TAB2: variants seen among roughly 807,000 people sequenced by gnomAD.
TAB2 encodes the protein TGF-beta-activated kinase 1 and MAP3K7-binding protein 2.
A neutral mutation model predicts 65.0 loss-of-function variants in TAB2; 3 were observed. The ratio of observed to expected loss-of-function variants is 0.05; its 90% confidence interval spans 0.02 to 0.12. The LOEUF is 0.12. Ranked by LOEUF, TAB2 falls within the 10% of genes least tolerant of loss-of-function variation. The pLI, the probability that TAB2 is intolerant of heterozygous loss-of-function variation, is 1.00. For missense variants in TAB2, 623 were observed against 840.3 expected (o/e 0.74, Z 3.20); for synonymous variants, 298 against 285.1 (o/e 1.05, Z -0.46).
In TAB2 at chr6:149,378,123, G is replaced by T. The variant is rs1256164024; in HGVS notation, c.208G>T (p.Gly70Cys). ...LNFSDDSGIS[G>C]LRNHMTSLNL... ...TTTTTCAGATGATTCTGGAATTTCT[G>T]GTCTACGCAATCACATGACTTCTCT... Residue 70 changes from glycine to cysteine, a missense_variant, in exon 3 of 7, where the codon GGT (glycine) becomes TGT (cysteine). Physicochemically the swap from Gly to Cys is radical, Grantham distance 159. Transcript: ENST00000637181. 6.2e-7 allele frequency: 1 copy of T among 1,613,982 alleles called. No individual in the cohort carries two copies. Among genetic ancestry groups the T allele is most frequent in the Non-Finnish European group, 8.5e-7 (1 of 1,180,016 alleles).
intron 1 of TAB2, among the ~76,000 whole-genome samples, chr6:149,319,897 A>G (rs1165684230): frequency 1.3e-5 from 2 of 152,188 alleles, no homozygotes; most frequent in African/African-American, 4.8e-5. Context: ...TGACTCATTA[A>G]GAAGTGGATA....
upstream of TAB2, among the ~76,000 whole-genome samples, chr6:149,317,235 G>A (rs904539219): frequency 1.3e-4 from 20 of 152,098 alleles, no homozygotes; most frequent in Non-Finnish European, 2.5e-4. This position sits in a 1 kb window ranked among gnomAD's most constrained non-coding sequence, Gnocchi z 4.7. Context: ...CCCAAGGATG[G>A]GGGGCCCAGG....
intron 1 of TAB2, among the ~76,000 whole-genome samples, chr6:149,367,399 C>G (rs928057473): frequency 2.0e-5 from 3 of 152,002 alleles, no homozygotes; most frequent in African/African-American, 7.3e-5. Context: ...TCCGATAGCC[C>G]TAAGGGAAGA....
intron 1 of TAB2, among the ~76,000 whole-genome samples, chr6:149,237,611 A>T (rs1194084633): frequency 6.6e-6 from 1 of 152,168 alleles, no homozygotes; most frequent in Non-Finnish European, 1.5e-5. Flanking sequence ...CCCATGCTTT[A>T]ACAACAAACC....
At chr6:149,355,977 A>G (rs904531672) in intron 1 of TAB2, among the ~76,000 whole-genome samples, 5 of 152,196 alleles carry the variant, frequency 3.3e-5, no homozygotes, top group African/African-American at 9.7e-5. Flanking sequence ...TTATTTTTCC[A>G]TGTAACACTT....
intron 1 of TAB2, among the ~76,000 whole-genome samples, chr6:149,357,139 C>T (rs564287195): frequency 3.3e-5 from 5 of 152,018 alleles, no homozygotes; most frequent in South Asian, 2.1e-4. Context: ...ACATTTTAGC[C>T]GGGTGCAGTG....
chr6:149,288,940 C>G (rs1477873236), intron 1 of TAB2, among the ~76,000 whole-genome samples: 3 of 149,960 alleles, frequency 2.0e-5, no homozygotes, highest in Non-Finnish European at 4.4e-5. Context: ...TCACTGCAAC[C>G]TCCATCGCCT....
chr6:149,360,684 C>T (rs927884800), intron 1 of TAB2, among the ~76,000 whole-genome samples: 8 of 152,150 alleles, frequency 5.3e-5, no homozygotes, highest in African/African-American at 1.7e-4. Context: ...TCATTCCTTC[C>T]TAATAGTCCT....
At chr6:149,290,749 G>A (rs943254752) in intron 1 of TAB2, among the ~76,000 whole-genome samples, 10 of 152,234 alleles carry the variant, frequency 6.6e-5, no homozygotes, top group Admixed American at 6.5e-4. Context: ...GGAGGCTCAG[G>A]TGGGAGGATG....
chr6:149,400,508 A>G, intron 6 of TAB2: 1 of 1,614,258 alleles, frequency 6.2e-7, no homozygotes, highest in Non-Finnish European at 8.5e-7. Context: ...GGCAGACACC[A>G]CTTAGTAAAC....
At chr6:149,222,492 C>A (rs1777169513) in intron 1 of TAB2, among the ~76,000 whole-genome samples, 1 of 151,852 alleles carries the variant, frequency 6.6e-6, no homozygotes, top group African/African-American at 2.4e-5. Context: ...GTGGTGGGCA[C>A]CTGTGGTCAC....
chr6:149,272,526 A>G (rs1778382424), intron 1 of TAB2, among the ~76,000 whole-genome samples: 1 of 151,996 alleles, frequency 6.6e-6, no homozygotes, highest in Non-Finnish European at 1.5e-5. Context: ...CATCGCTCCA[A>G]CCTCTGCTCC....
intron 1 of TAB2, among the ~76,000 whole-genome samples, chr6:149,308,220 C>T (rs1779102885): frequency 1.3e-5 from 2 of 152,070 alleles, no homozygotes; most frequent in African/African-American, 4.8e-5. Context: ...GTTATTTATT[C>T]CTAGGAGTGG....
At chr6:149,226,554 C>G (rs954943705) in intron 1 of TAB2, among the ~76,000 whole-genome samples, 1 of 152,204 alleles carries the variant, frequency 6.6e-6, no homozygotes, top group African/African-American at 2.4e-5. Context: ...CTTCCTTTCC[C>G]TGGTAAAAAC....
intron 1 of TAB2, among the ~76,000 whole-genome samples, chr6:149,253,921 C>T (rs991301072): frequency 5.3e-5 from 4 of 74,922 alleles, no homozygotes; most frequent in African/African-American, 8.9e-5. Context: ...GACTCCATCT[C>T]GAAAGAAAGA....
intron 1 of TAB2, chr6:149,303,964 A>G (rs142422055): frequency 6.6e-6 from 1 of 152,402 alleles, no homozygotes; most frequent in African/African-American, 2.4e-5. Context: ...TGGAGGACTG[A>G]GAAGAGGGAG....
intron 1 of TAB2, among the ~76,000 whole-genome samples, chr6:149,251,050 T>C (rs1777849098): frequency 6.6e-6 from 1 of 152,202 alleles, no homozygotes; most frequent in Non-Finnish European, 1.5e-5. Context: ...TTTCTCCATT[T>C]TCATTTTAAA....
At chr6:149,406,260 A>G (rs1001222001) in intron 6 of TAB2, among the ~76,000 whole-genome samples, 1 of 152,234 alleles carries the variant, frequency 6.6e-6, no homozygotes, top group African/African-American at 2.4e-5. Context: ...TTCTTCCTTC[A>G]TAAGAAACAT....
chr6:149,370,046 C>T lies in TAB2; in HGVS notation c.49C>T (p.Arg17Ter). Residue 17 changes from arginine (R) to a stop codon, truncating the protein, a stop_gained, in exon 2 of 7, where the codon CGA becomes TGA. Transcript: ENST00000637181. LOFTEE classifies it high-confidence loss of function. ...TGATTTTCAGGTTTTACATGACCTG[C>T]GACAAAAATTCCCTGAAGTACCTGA... is the stretch of plus-strand genomic sequence containing the variant. Reference protein sequence around the residue: ...QIDFQVLHDLRQKFPEVPEVV... With the variant: ...QIDFQVLHDL The T allele has an allele frequency of 6.2e-7, 1 of 1,614,076 alleles. No individual in the cohort carries two copies. The highest frequency in any genetic ancestry group is 1.3e-5 in the African/African-American group (1 of 75,030).
Sources: allele counts gnomAD v4.1 joint callset (sites outside exome capture counted in the v4.1 genomes callset), GRCh38; gene constraint gnomAD v4.1.1; non-coding constraint Gnocchi (gnomAD v3.1); transcripts MANE v1.5; gene names NCBI Gene and HGNC (gene_info 2026-07-23, HGNC 2026-07-21).